The following UPP2 variants were observed in gnomAD, a reference collection of about 807,000 sequenced individuals.
The protein encoded by UPP2 is UPase 2.
UPP2 carries 23 observed loss-of-function variants against 26.7 expected under a neutral mutation model. That is an observed-to-expected ratio of 0.86 (90% CI 0.62 to 1.22). UPP2 has a LOEUF of 1.22. Among genes scored for constraint, UPP2 ranks in the 50% most tolerant of loss-of-function variants. UPP2 has a pLI of 0.00. For synonymous variants in UPP2, 127 were observed against 141.3 expected, an observed-to-expected ratio of 0.90 and a Z score of 0.72; for missense variants, 387 against 396.7, an observed-to-expected ratio of 0.98 and a Z score of 0.21.
At chr2:158,102,195 T>A in intron 1 of UPP2, 70 bp downstream of exon 1, 1 of 1,558,874 alleles carries the variant, frequency 6.4e-7, no homozygotes, top group Non-Finnish European at 8.7e-7. Flanking sequence ...ATTAAATGAT[T>A]AGATAATGGG....
At chr2:158,072,937 C>T (rs77305169) in intron 3 of UPP2, among the ~76,000 whole-genome samples, 4,692 of 152,092 alleles carry the variant, frequency 0.031, 149 homozygotes, top group East Asian at 0.14. Context: ...ATGAACACCC[C>T]CAAGTATCAA....
chr2:158,049,735 G>T (rs1301251443), intron 3 of UPP2, among the ~76,000 whole-genome samples: 1 of 152,218 alleles, frequency 6.6e-6, no homozygotes, highest in Non-Finnish European at 1.5e-5. Flanking sequence ...ATCTCAGTCT[G>T]TAGTAGAACA....
At chr2:158,019,730 T>C (rs1683719636) in intron 3 of UPP2, among the ~76,000 whole-genome samples, 1 of 151,888 alleles carries the variant, frequency 6.6e-6, no homozygotes, top group South Asian at 2.1e-4. Flanking sequence ...CTTGATTTCA[T>C]ATGGATAAAA....
intron 3 of UPP2, among the ~76,000 whole-genome samples, chr2:158,051,187 GTGTGTGTGTGTA>G (rs994150447): frequency 6.6e-5 from 8 of 120,502 alleles, no homozygotes; most frequent in Admixed American, 1.6e-4. Flanking sequence ...GTGTGTGTGT[GTGTGTGTGTGTA>G]TGTGTGTATA....
rs1683914822 is a variant in UPP2, at chr2:158,135,583, A to G, written c.*693A>G. Reference sequence around the variant, plus strand: ...ATCACAAGTGACTAAATTGCCTTCTAGCCATTTTTTCTTGTAAAAAAAGTG... The same window carrying G: ...ATCACAAGTGACTAAATTGCCTTCTGGCCATTTTTTCTTGTAAAAAAAGTG... On this transcript the variant is annotated 3_prime_UTR_variant, in exon 7 of 7. Coordinates refer to ENST00000005756, the MANE Select transcript of UPP2 (RefSeq NM_173355.4). The G allele has an allele frequency of 6.6e-6, 1 of 152,236 alleles. No homozygotes were observed. The highest frequency in any genetic ancestry group is 1.5e-5 in the Non-Finnish European group (1 of 68,040). The allele number at this position is 152,236 out of a possible 1,614,324, so 9.4% of individuals were successfully genotyped here.
intron 3 of UPP2, among the ~76,000 whole-genome samples, chr2:158,062,951 T>C (rs1381405198): frequency 1.3e-5 from 2 of 152,186 alleles, no homozygotes; most frequent in East Asian, 3.9e-4. Context: ...AAGCACTCAA[T>C]CCACTGTTAG....
intron 2 of UPP2, among the ~76,000 whole-genome samples, chr2:158,007,261 C>T (rs994051550): frequency 6.6e-6 from 1 of 152,128 alleles, no homozygotes; most frequent in African/African-American, 2.4e-5. Flanking sequence ...AACACCAAGT[C>T]GGAGAGACAA....
In UPP2 at chr2:158,028,468, T is replaced by C. The variant is rs575356678; in HGVS notation, c.147+12582T>C. Among the ~76,000 whole-genome samples, 160 of 152,308 alleles carry C rather than the reference T, an allele frequency of 1.1e-3. 1 individual carries two copies. Among genetic ancestry groups the C allele is most frequent in the African/African-American group, 3.7e-3 (154 of 41,560 alleles). On this transcript the variant is annotated intron_variant, in intron 3 of 9. Transcript: ENST00000605860. ...ACCTCAGCCTGGACCTTATTGTCCATATCACTAATAGGCTTTTGGTCAAAG... is the reference window on the plus strand; with the variant it reads ...ACCTCAGCCTGGACCTTATTGTCCACATCACTAATAGGCTTTTGGTCAAAG...
Position 158,024,701 on chromosome 2 carries a change from C to T in UPP2, c.147+8815C>T, listed in dbSNP as rs1454938705. On this transcript the variant is annotated intron_variant, in intron 3 of 9. Transcript: ENST00000605860. ...TAGATGGAGGAATTTAGTGAGGTTT[C>T]CACATCAGACCCCAGAAAAAAGATA... is the stretch of plus-strand genomic sequence containing the variant. 3.3e-5 allele frequency among the ~76,000 whole-genome samples: 5 copies of T among 152,098 alleles called. No homozygotes were observed. The East Asian group carries it at 9.6e-4, about 29-fold the overall frequency.
At chr2:158,039,709 C>A (rs1320462455) in intron 3 of UPP2, among the ~76,000 whole-genome samples, 1 of 152,192 alleles carries the variant, frequency 6.6e-6, no homozygotes, top group Non-Finnish European at 1.5e-5. Context: ...TCTTAGACCC[C>A]ACTCCAAATC....
At chr2:158,034,870 A>C (rs1408032457) in intron 3 of UPP2, among the ~76,000 whole-genome samples, 2 of 152,180 alleles carry the variant, frequency 1.3e-5, no homozygotes, top group East Asian at 3.9e-4. Flanking sequence ...CTGTCAGTCC[A>C]GCCTGGAGAA....
At chr2:158,069,195 C>G (rs1356825389) in intron 3 of UPP2, among the ~76,000 whole-genome samples, 2 of 152,118 alleles carry the variant, frequency 1.3e-5, no homozygotes, top group Admixed American at 6.5e-5. Context: ...GAACTCCTAT[C>G]TTTTAGGAAA....
Position 158,074,690 on chromosome 2 carries a change from TACACACACAC to T in UPP2, c.148-27322_148-27313del, listed in dbSNP as rs56277459. On this transcript the variant is annotated intron_variant, in intron 3 of 9. Coordinates refer to the UPP2 transcript ENST00000605860. ...GGAAAGAAGGAATAGAAGACCTTCA[TACACACACAC>T]ACACACACACACACACACACACACA... Among the ~76,000 whole-genome samples, 20 of 135,482 alleles carry T rather than the reference TACACACACAC, an allele frequency of 1.5e-4. 1 individual carries two copies. The South Asian group carries it at 3.0e-3, about 20-fold the overall frequency. The allele number at this position is 135,482 out of a possible 152,430, so 88.9% of individuals were successfully genotyped here.
intron 3 of UPP2, among the ~76,000 whole-genome samples, chr2:158,066,825 C>T (rs75022377): frequency 0.021 from 3,221 of 152,114 alleles, 115 homozygotes; most frequent in East Asian, 0.14. Context: ...CAGGCAGGGA[C>T]TGAGAAAAGA....
intron 1 of UPP2, among the ~76,000 whole-genome samples, chr2:158,103,554 C>T (rs1233883338): frequency 2.6e-5 from 4 of 152,084 alleles, no homozygotes; most frequent in Admixed American, 1.3e-4. Flanking sequence ...AGCAATGAGA[C>T]TCTTTTATAG....
intron 2 of UPP2, among the ~76,000 whole-genome samples, chr2:158,111,498 GATC>G (rs950891687): frequency 3.3e-5 from 5 of 152,074 alleles, no homozygotes; most frequent in African/African-American, 1.2e-4. Flanking sequence ...CATATAATTG[GATC>G]ATATGTTTGT....
At chr2:158,051,155 A>ATGTGTGTG (rs1553465507) in intron 3 of UPP2, among the ~76,000 whole-genome samples, 3 of 94,254 alleles carry the variant, frequency 3.2e-5, no homozygotes, top group African/African-American at 1.4e-4. Context: ...CACTCTAGGA[A>ATGTGTGTG]TATGTGTGTG....
At chr2:158,061,253 G>T (rs1482874725) in intron 3 of UPP2, among the ~76,000 whole-genome samples, 12 of 152,184 alleles carry the variant, frequency 7.9e-5, no homozygotes, top group Admixed American at 7.9e-4. Flanking sequence ...CTGAAGCCCA[G>T]GGTAGTTAGA....
intron 3 of UPP2, among the ~76,000 whole-genome samples, chr2:158,038,606 T>C (rs760472816): frequency 1.3e-4 from 20 of 152,256 alleles, no homozygotes; most frequent in Non-Finnish European, 2.2e-4. Flanking sequence ...TTTCATTCTT[T>C]TTATTGCAGA....
Sources: allele counts gnomAD v4.1 joint callset (sites outside exome capture counted in the v4.1 genomes callset), GRCh38; gene constraint gnomAD v4.1.1; transcripts MANE v1.5; gene names NCBI Gene and HGNC (gene_info 2026-07-23, HGNC 2026-07-21).